Variants in ERO1A observed in about 807,000 individuals in gnomAD.
The protein encoded by ERO1A is endoplasmic reticulum oxidoreductase 1 alpha.
ERO1A carries 49 observed loss-of-function variants against 76.9 expected under a neutral mutation model. The observed-to-expected ratio is 0.64, with a 90% CI of 0.51 to 0.81. The LOEUF is 0.81. Ranked by LOEUF, ERO1A falls within the 30% of genes least tolerant of loss-of-function variation. The probability of loss-of-function intolerance (pLI) is 0.00; values close to 1 mark genes in which losing one functional copy is unlikely to be tolerated. For synonymous variants in ERO1A, 174 were observed against 181.2 expected (o/e 0.96, Z 0.32); for missense variants, 448 against 542.1 (o/e 0.83, Z 1.72).
chr14:52,653,028 T>C (rs899709305), intron 12 of ERO1A, 41 bp downstream of exon 12: 1 of 1,352,638 alleles, frequency 7.4e-7, no homozygotes, highest in Non-Finnish European at 1.0e-6. Flanking sequence ...ACATTAATTG[T>C]CACTCTTCTA....
chr14:52,659,118 C>T (rs911814147), intron 9 of ERO1A, among the ~76,000 whole-genome samples: 8 of 151,958 alleles, frequency 5.3e-5, no homozygotes, highest in African/African-American at 4.8e-5. Context: ...ATGTATGTTG[C>T]AAATATGTCA....
intron 1 of ERO1A, among the ~76,000 whole-genome samples, chr14:52,691,565 C>T (rs180676416): frequency 4.4e-4 from 67 of 152,314 alleles, no homozygotes; most frequent in Non-Finnish European, 6.6e-4. Flanking sequence ...TCTCCCACGG[C>T]CCAGCCACCA....
rs145030013 is a variant in ERO1A, at chr14:52,668,527, G to C, written c.509-2032C>G. ...ACCATTGCACTCCAGCCTGGGCAAC[G>C]AGAATGAAACTCTGCCTCGGAAAAA... On this transcript the variant is annotated intron_variant, in intron 6 of 15. Coordinates refer to ENST00000395686, the MANE Select transcript of ERO1A (RefSeq NM_014584.3). Among the ~76,000 whole-genome samples the C allele has an allele frequency of 7.1e-3, 1,080 of 151,632 alleles. 11 individuals carry two copies. The highest frequency in any genetic ancestry group is 0.025 in the African/African-American group (1,030 of 41,370).
intron 6 of ERO1A, among the ~76,000 whole-genome samples, chr14:52,668,437 C>T (rs1359578979): frequency 1.3e-5 from 2 of 151,536 alleles, no homozygotes; most frequent in Non-Finnish European, 2.9e-5. Flanking sequence ...CCCAGCTACT[C>T]GGGAGGCTGA....
chr14:52,665,460 AC>A (rs936015951), intron 7 of ERO1A, among the ~76,000 whole-genome samples: 36 of 148,460 alleles, frequency 2.4e-4, no homozygotes, highest in African/African-American at 8.3e-4. Context: ...AAAAAAAAAA[AC>A]ACCACAGTCT....
intron 15 of ERO1A, among the ~76,000 whole-genome samples, chr14:52,645,848 AC>A (rs2139619779): frequency 1.5e-3 from 1 of 654 alleles, no homozygotes; most frequent in East Asian, 0.5. Context: ...TACTAAAAAT[AC>A]ACACACACAC....
intron 4 of ERO1A, among the ~76,000 whole-genome samples, chr14:52,672,988 A>T (rs573887638): frequency 1.3e-5 from 2 of 152,158 alleles, no homozygotes; most frequent in South Asian, 4.1e-4. Context: ...TTTCTGAATC[A>T]TATTAAACAC....
At position 52,640,925 on chromosome 14, in the gene ERO1A, A is replaced by G. The variant is rs2039448336; in HGVS notation, c.*2645T>C. The G allele has an allele frequency of 6.6e-6, 1 of 152,156 alleles. No homozygotes were observed. 9.4% of individuals were successfully genotyped at this position (152,156 alleles called of 1,614,324 possible). ...GATGGATTGAGGAGTCTGGCTAAAG[A>G]TAAGGATTTAGGAACTGCTGAATTA... On this transcript the variant is annotated 3_prime_UTR_variant, in exon 16 of 16. Coordinates refer to ENST00000395686, the MANE Select transcript of ERO1A (RefSeq NM_014584.3).
At chr14:52,672,646 TATA>T (rs1330530835) in intron 4 of ERO1A, among the ~76,000 whole-genome samples, 1 of 151,854 alleles carries the variant, frequency 6.6e-6, no homozygotes, top group Non-Finnish European at 1.5e-5. Flanking sequence ...GGCATGTGCC[TATA>T]ATACTAGCTA....
chr14:52,680,113 G>A (rs1363172059), intron 3 of ERO1A, among the ~76,000 whole-genome samples: 1 of 147,964 alleles, frequency 6.8e-6, no homozygotes, highest in Non-Finnish European at 1.5e-5. Context: ...ACAAAGTATT[G>A]GCATGAAAGG....
At chr14:52,657,810 T>C in intron 11 of ERO1A, 107 bp downstream of exon 11, 1 of 706,532 alleles carries the variant, frequency 1.4e-6, no homozygotes, top group Non-Finnish European at 2.4e-6. Flanking sequence ...TTTTACTGCC[T>C]AATATTCAAT....
intron 1 of ERO1A, among the ~76,000 whole-genome samples, chr14:52,689,609 T>C (rs899883726): frequency 6.6e-6 from 1 of 152,024 alleles, no homozygotes; most frequent in Non-Finnish European, 1.5e-5. Context: ...CTGAAAACTA[T>C]AAAGCAGTGA....
chr14:52,659,991 G>A (rs565219110), intron 9 of ERO1A, among the ~76,000 whole-genome samples: 4 of 152,030 alleles, frequency 2.6e-5, no homozygotes, highest in African/African-American at 4.8e-5. Context: ...GCACCACCAC[G>A]CCCAGCTAAT....
chr14:52,646,539 T>G (rs2039663492), intron 13 of ERO1A, 78 bp from the exon 14 acceptor site: 4 of 1,089,584 alleles, frequency 3.7e-6, no homozygotes, highest in African/African-American at 1.6e-5. Flanking sequence ...AGGTTCTATG[T>G]GCCTAACACT....
chr14:52,671,760 G>A (rs1304980224), intron 5 of ERO1A, 35 bp downstream of exon 5: 7 of 1,583,370 alleles, frequency 4.4e-6, no homozygotes, highest in Non-Finnish European at 5.2e-6. Context: ...GTAACATAAA[G>A]AAACATGAAA....
intron 8 of ERO1A, among the ~76,000 whole-genome samples, chr14:52,663,562 T>A (rs1363319785): frequency 6.7e-6 from 1 of 150,038 alleles, no homozygotes; most frequent in African/African-American, 2.5e-5. Flanking sequence ...GTCACGCCAC[T>A]GCACTCCAGC....
At chr14:52,664,899 G>A (rs1184176179) in intron 7 of ERO1A, among the ~76,000 whole-genome samples, 2 of 152,008 alleles carry the variant, frequency 1.3e-5, no homozygotes, top group African/African-American at 4.8e-5. Flanking sequence ...CACCGCGTTA[G>A]TGAGGATGGT....
chr14:52,646,528 C>G, intron 13 of ERO1A, 67 bp from the exon 14 acceptor site: 4 of 1,289,702 alleles, frequency 3.1e-6, no homozygotes, highest in African/African-American at 1.5e-5. Flanking sequence ...ATTTTCTGAG[C>G]AGGTTCTATG....
At chr14:52,693,593 C>T (rs1473596995) in intron 1 of ERO1A, among the ~76,000 whole-genome samples, 1 of 152,118 alleles carries the variant, frequency 6.6e-6, no homozygotes, top group Non-Finnish European at 1.5e-5. Context: ...GGGCTCACTC[C>T]ATCCTGCCAC....
Sources: allele counts gnomAD v4.1 joint callset (sites outside exome capture counted in the v4.1 genomes callset), GRCh38; gene constraint gnomAD v4.1.1; transcripts MANE v1.5; gene names NCBI Gene and HGNC (gene_info 2026-07-23, HGNC 2026-07-21).